TSEN2: variants seen among roughly 807,000 people sequenced by gnomAD.
The protein encoded by TSEN2 is tRNA-splicing endonuclease subunit Sen2.
Under a neutral mutation model 59.2 loss-of-function variants are expected in TSEN2, and 54 were observed. That is an observed-to-expected ratio of 0.91 (90% CI 0.73 to 1.14). The LOEUF (loss-of-function observed/expected upper bound fraction) is 1.14. Ranked by LOEUF, TSEN2 falls within the 50% of genes most tolerant of loss-of-function variation. The pLI is 0.00. For synonymous variants in TSEN2, 195 were observed against 198.2 expected, an observed-to-expected ratio of 0.98 and a Z score of 0.14; for missense variants, 636 against 576.2, an observed-to-expected ratio of 1.10 and a Z score of -1.06.
At chr3:12,532,168 GTTGTCGTCCTGTCTTCTT>G (rs1420890317) in intron 11 of TSEN2, among the ~76,000 whole-genome samples, 1 of 152,114 alleles carries the variant, frequency 6.6e-6, no homozygotes, top group Non-Finnish European at 1.5e-5. Context: ...GTATGTCTTT[GTTGTCGTCCTGTCTTCTT>G]TTCACACCAC....
chr3:12,501,875 G>T (rs1032434844), intron 4 of TSEN2, among the ~76,000 whole-genome samples: 1 of 152,180 alleles, frequency 6.6e-6, no homozygotes, highest in Non-Finnish European at 1.5e-5. Context: ...CCAACATCTG[G>T]TAGTTCTCAC....
chr3:12,496,346 G>C (rs1365317282), intron 3 of TSEN2, among the ~76,000 whole-genome samples, 172 bp from the exon 4 acceptor site: 1 of 152,200 alleles, frequency 6.6e-6, no homozygotes, highest in Admixed American at 6.5e-5. Context: ...CAAGGGTATG[G>C]GTTCAGGGAA....
At position 12,531,580 on chromosome 3, in the gene TSEN2, T is replaced by A. The variant is rs2057461367; in HGVS notation, c.1259T>A (p.Leu420Gln). Residue 420 changes from leucine (L) to glutamine (Q), a missense_variant, in exon 11 of 12, where the codon CTG becomes CAG. By Grantham distance (113) the Leu-to-Gln change is moderately radical. Transcript: ENST00000284995. ...TTCATTTCTCAATAGGAACTTATGC[T>A]GTGCTATTTGATTAAACCCTCTACT... ...VSVNVSKELMLCYLIKPSTMT... is the reference protein window; with the variant it reads ...VSVNVSKELMQCYLIKPSTMT... 6.2e-7 allele frequency: 1 copy of A among 1,608,138 alleles called. No homozygotes were observed.
chr3:12,489,705 G>T, intron 1 of TSEN2, 79 bp from the exon 2 acceptor site: 1 of 1,227,376 alleles, frequency 8.1e-7, no homozygotes, highest in Non-Finnish European at 1.2e-6. Flanking sequence ...TCTGAGCCTA[G>T]GTACAGATGT....
At chr3:12,502,908 C>A (rs1235870506) in intron 4 of TSEN2, among the ~76,000 whole-genome samples, 2 of 151,900 alleles carry the variant, frequency 1.3e-5, no homozygotes, top group African/African-American at 2.4e-5. Context: ...CCCATCTCTA[C>A]TAAAAATACA....
intron 5 of TSEN2, 29 bp from the exon 6 acceptor site, chr3:12,505,120 TTGTTC>T: frequency 1.6e-6 from 2 of 1,287,344 alleles, no homozygotes; most frequent in Non-Finnish European, 2.3e-6. Flanking sequence ...GTGCTTCCAT[TTGTTC>T]TGTATATATT....
At position 12,531,711 on chromosome 3, in the gene TSEN2, G is replaced by C. The variant is rs1473146169; in HGVS notation, c.1338+52G>C. The stretch of plus-strand genomic sequence containing the variant: ...CATCCCAAAGATTCTGTGAATCATA[G>C]TGTATCTGGAACATGTGGTCCCAAG... On this transcript the variant is annotated intron_variant, in intron 11 of 11. Transcript: ENST00000284995. The C allele has an allele frequency of 3.2e-6, 4 of 1,231,848 alleles. No homozygotes were observed. In the Admixed American group the frequency reaches 5.1e-5, roughly 16 times the overall value. The allele number at this position is 1,231,848 out of a possible 1,614,324, so 76.3% of individuals were successfully genotyped here. A position where few individuals can be genotyped will look rare whatever the true frequency, so the allele number is the denominator to read the frequency against.
intron 6 of TSEN2, among the ~76,000 whole-genome samples, chr3:12,508,870 T>A (rs778517048): frequency 2.0e-5 from 3 of 152,224 alleles, no homozygotes; most frequent in Non-Finnish European, 4.4e-5. Context: ...TTTATTCTTA[T>A]ATTTTTTAGA....
intron 10 of TSEN2, chr3:12,530,188 A>G: frequency 8.4e-7 from 1 of 1,191,452 alleles, no homozygotes; most frequent in Non-Finnish European, 1.0e-6. Context: ...TTGCTATGTG[A>G]CTTGTTTTAT....
intron 9 of TSEN2, among the ~76,000 whole-genome samples, chr3:12,529,505 A>G (rs939653033): frequency 2.0e-5 from 3 of 151,646 alleles, no homozygotes; most frequent in African/African-American, 4.9e-5. Flanking sequence ...ATTAGTGCCT[A>G]AACAGTTGTG....
At chr3:12,506,768 C>A in intron 6 of TSEN2, 11 of 985,384 alleles carry the variant, frequency 1.1e-5, no homozygotes, top group Non-Finnish European at 1.3e-5. Flanking sequence ...CTCCCCTCTT[C>A]TCCAGGAGCT....
chr3:12,539,385 T>C (rs1000739190), exon 11 of TSEN2: 2 of 304,868 alleles, frequency 6.6e-6, no homozygotes, highest in South Asian at 2.6e-5. Context: ...CTGCCCGCCT[T>C]GGCCTCCCAA....
At position 12,533,197 on chromosome 3, in the gene TSEN2, G is replaced by A. The variant is rs1000518649; in HGVS notation, c.*476G>A. Reference sequence around the variant, plus strand: ...AACACAACAGTATTGTACAATATTCGATAAGCATATCTTCACTGCACTTGT... The same window carrying A: ...AACACAACAGTATTGTACAATATTCAATAAGCATATCTTCACTGCACTTGT... On this transcript the variant is annotated 3_prime_UTR_variant, in exon 12 of 12. Coordinates refer to ENST00000284995, the MANE Select transcript of TSEN2 (RefSeq NM_025265.4). 8 of 171,432 alleles carry A rather than the reference G, an allele frequency of 4.7e-5. No homozygotes were observed. In the East Asian group the frequency reaches 7.5e-4, roughly 16 times the overall value. 10.6% of individuals were successfully genotyped at this position (171,432 alleles called of 1,614,324 possible). A position where few individuals can be genotyped will look rare whatever the true frequency, so the allele number is the denominator to read the frequency against.
In TSEN2 at chr3:12,496,534, G is replaced by A. The variant is rs772770034; in HGVS notation, c.288G>A (p.Met96Ile). The change falls in exon 4 of 12, where the codon ATG becomes ATA. Residue 96 changes from methionine (M) to isoleucine (I), a missense_variant. Met to Ile is a conservative substitution (Grantham distance 10, BLOSUM62 1). Transcript: ENST00000284995. ...TTGTTCCAGATATGAAGACAAACATGCCTATCATCACATCAAAGAGGTAAG... is the reference window on the plus strand; with the variant it reads ...TTGTTCCAGATATGAAGACAAACATACCTATCATCACATCAAAGAGGTAAG... ...VAKWKDMKTN[M>I]PIITSKRYQH... 12 of 1,614,106 alleles carry A rather than the reference G, an allele frequency of 7.4e-6. No homozygotes were observed. In the East Asian group the frequency reaches 2.7e-4, roughly 36 times the overall value.
intron 3 of TSEN2, 76 bp from the exon 4 acceptor site, chr3:12,496,442 A>T: frequency 6.8e-7 from 1 of 1,469,316 alleles, no homozygotes; most frequent in Non-Finnish European, 9.5e-7. Flanking sequence ...TAAAATTCTC[A>T]GTCTTTCCTA....
At chr3:12,530,106 A>G in intron 10 of TSEN2, 1 of 1,409,142 alleles carries the variant, frequency 7.1e-7, no homozygotes. Flanking sequence ...GCTGAGCTCC[A>G]ATGACGGAGC....
At chr3:12,514,025 T>C (rs59007738) in intron 6 of TSEN2, among the ~76,000 whole-genome samples, 2,845 of 152,332 alleles carry the variant, frequency 0.019, 48 homozygotes, top group South Asian at 0.059. Flanking sequence ...TAGACCCCCT[T>C]CTAGGCCAAG....
At chr3:12,537,567 A>G (rs1410803339), downstream of TSEN2, among the ~76,000 whole-genome samples, 1 of 152,070 alleles carries the variant, frequency 6.6e-6, no homozygotes, top group African/African-American at 2.4e-5. Flanking sequence ...TTCTTCTCTA[A>G]TGATGGCAAA....
chr3:12,504,194 A>G (rs927738829), intron 5 of TSEN2, among the ~76,000 whole-genome samples: 3 of 152,196 alleles, frequency 2.0e-5, no homozygotes, highest in Non-Finnish European at 4.4e-5. Flanking sequence ...TGGAATTGCT[A>G]AAAATTAGAA....
Sources: gnomAD v4.1 joint callset for allele counts (sites outside exome capture counted in the v4.1 genomes callset) on GRCh38, gnomAD v4.1.1 for gene constraint, MANE v1.5 for transcripts, NCBI Gene and HGNC (gene_info 2026-07-23, HGNC 2026-07-21) for gene names.